The following SAP130 variants were observed in gnomAD, a reference collection of about 807,000 sequenced individuals.
SAP130 encodes Sin3A associated protein 130.
In SAP130, 16 loss-of-function variants were observed where a neutral mutation model predicts 103.2. The observed-to-expected ratio is 0.16, with a 90% CI of 0.10 to 0.24. The LOEUF (loss-of-function observed/expected upper bound fraction) is 0.24, where lower values mean the gene tolerates loss of function less well. Among genes scored for constraint, SAP130 ranks in the 10% least tolerant of loss-of-function variants. SAP130 has a pLI of 1.00. For synonymous variants in SAP130, 477 were observed against 497.0 expected, an observed-to-expected ratio of 0.96 and a Z score of 0.53; for missense variants, 990 against 1,359.7, an observed-to-expected ratio of 0.73 and a Z score of 4.28.
intron 7 of SAP130, among the ~76,000 whole-genome samples, chr2:128,005,642 TTTTC>T (rs1683908893): frequency 6.6e-6 from 1 of 151,940 alleles, no homozygotes; most frequent in South Asian, 2.1e-4. Context: ...TTCATATAGT[TTTTC>T]TTTCTTTTTT....
intron 1 of SAP130, 33 bp from the exon 2 acceptor site, chr2:128,026,331 G>T: frequency 7.0e-7 from 1 of 1,435,506 alleles, no homozygotes; most frequent in Non-Finnish European, 9.8e-7. Flanking sequence ...GTTATTACTA[G>T]ATTCTGAGAT....
chr2:127,946,426 T>C (rs1679079625), intron 18 of SAP130, among the ~76,000 whole-genome samples: 1 of 152,202 alleles, frequency 6.6e-6, no homozygotes, highest in South Asian at 2.1e-4. Context: ...TTTTCTGTTT[T>C]TGAACACTGT....
In SAP130 at chr2:127,942,748, G is replaced by C. The variant is rs1678796445; in HGVS notation, c.2902-211C>G. 6.6e-6 allele frequency among the ~76,000 whole-genome samples: 1 copy of C among 152,210 alleles called. No individual in the cohort carries two copies. The highest frequency in any genetic ancestry group is 2.1e-4 in the South Asian group (1 of 4,828). ...TCACGCCTATAATCCCAGCACTTTGGGAGGTCGAGGCGGGTGGATCACCTG... is the reference window on the plus strand; with the variant it reads ...TCACGCCTATAATCCCAGCACTTTGCGAGGTCGAGGCGGGTGGATCACCTG... On this transcript the variant is annotated intron_variant, in intron 19 of 20. Transcript: ENST00000643581. The surrounding 1 kb of genome is among the most constrained non-coding windows in gnomAD (Gnocchi z 4.8).
Position 127,950,120 on chromosome 2 carries a change from T to C in SAP130, c.2671+40A>G, listed in dbSNP as rs118024105. 596 of 1,612,112 alleles carry C rather than the reference T, an allele frequency of 3.7e-4. 3 individuals carry two copies. In the East Asian group the frequency reaches 8.3e-3, roughly 22 times the overall value. ...GCCTCTGGGTTGGACTCTGACTTTA[T>C]TGGGAAGCATCATAACACAAGTCAG... On this transcript the variant is annotated intron_variant, in intron 17 of 20. Transcript: ENST00000643581.
At chr2:127,977,942 G>T in intron 15 of SAP130, 43 bp downstream of exon 15, 1 of 1,378,898 alleles carries the variant, frequency 7.3e-7, no homozygotes, top group Non-Finnish European at 1.0e-6. Flanking sequence ...CTGCAACGAT[G>T]TGTGGGTAAA....
chr2:128,018,760 G>A (rs1345831915), intron 2 of SAP130, among the ~76,000 whole-genome samples: 1 of 150,650 alleles, frequency 6.6e-6, no homozygotes, highest in African/African-American at 2.4e-5. Flanking sequence ...TTGTGCCACT[G>A]CACTCCAGCT....
In SAP130 at chr2:127,995,522, A is replaced by G. The variant is rs553310343; in HGVS notation, c.1355+828T>C. Among the ~76,000 whole-genome samples, 34 of 152,294 alleles carry G rather than the reference A, an allele frequency of 2.2e-4. 1 individual carries two copies. The highest frequency in any genetic ancestry group is 4.3e-4 in the Non-Finnish European group (29 of 68,018). On this transcript the variant is annotated intron_variant, in intron 11 of 20. Coordinates refer to ENST00000643581, the MANE Select transcript of SAP130 (RefSeq NM_001330301.2). ...GTAAAATGCTCAACATAATAAATAA[A>G]TGGGGGTGGATAAGAGAAAGTTTCT... is the stretch of plus-strand genomic sequence containing the variant.
intron 2 of SAP130, among the ~76,000 whole-genome samples, 173 bp from the exon 3 acceptor site, chr2:128,018,088 G>C (rs1684900105): frequency 6.6e-6 from 1 of 152,000 alleles, no homozygotes; most frequent in African/African-American, 2.4e-5. Context: ...ATGGACATCA[G>C]ACAAAAGAGC....
intron 1 of SAP130, chr2:128,027,465 C>A: frequency 1.0e-6 from 1 of 967,750 alleles, no homozygotes; most frequent in Non-Finnish European, 1.2e-6. Context: ...CCAAACCCCT[C>A]GAGGCTGAGC....
chr2:127,954,957 A>G, intron 16 of SAP130, 29 bp downstream of exon 16: 1 of 1,503,296 alleles, frequency 6.7e-7, no homozygotes, highest in South Asian at 1.2e-5. Context: ...GGCAATTGCC[A>G]ATGGAGAGTA....
intron 12 of SAP130, 117 bp downstream of exon 12, chr2:127,993,070 C>T: frequency 3.1e-6 from 4 of 1,276,364 alleles, no homozygotes; most frequent in Non-Finnish European, 1.1e-6. Flanking sequence ...TTATCTGAAT[C>T]TGAAAACAGA....
chr2:127,956,357 T>TGTGTG (rs1679838970), intron 15 of SAP130, among the ~76,000 whole-genome samples: 2 of 152,212 alleles, frequency 1.3e-5, no homozygotes. Context: ...TCCTGAGTTC[T>TGTGTG]GTGTGCTGTT....
rs1191326262 is a variant in SAP130, at chr2:127,996,355, G to A, written c.1350C>T (p.Asp450=). Residue 450 remains aspartate (D), a synonymous_variant, in exon 11 of 21, where the codon GAC becomes GAT. Transcript: ENST00000643581. The surrounding 1 kb of genome is among the most constrained non-coding windows in gnomAD (Gnocchi z 4.3). The part of the protein sequence containing the change: ...PNPVAMETRS[D]NRPSVPVQFQ... ...ACTGACACACAGCCTCCTACCTGTT[G>A]TCACTTCGGGTTTCCATGGCCACAG... 1.9e-6 allele frequency: 3 copies of A among 1,599,788 alleles called. No individual in the cohort carries two copies. The highest frequency in any genetic ancestry group is 1.7e-6 in the Non-Finnish European group (2 of 1,173,140).
intron 15 of SAP130, among the ~76,000 whole-genome samples, chr2:127,958,189 A>C (rs1679976495): frequency 6.6e-6 from 1 of 152,216 alleles, no homozygotes; most frequent in Non-Finnish European, 1.5e-5. Context: ...CCAAAGCAGG[A>C]GGATCACGAG....
intron 11 of SAP130, among the ~76,000 whole-genome samples, chr2:127,995,593 AACTC>A (rs1365167959): frequency 3.3e-5 from 5 of 152,210 alleles, no homozygotes; most frequent in Non-Finnish European, 5.9e-5. Context: ...ACGTTAGAAA[AACTC>A]ACTATTTTGC....
chr2:128,015,599 T>C (rs981888880), intron 4 of SAP130, among the ~76,000 whole-genome samples: 1 of 152,034 alleles, frequency 6.6e-6, no homozygotes, highest in African/African-American at 2.4e-5. Context: ...CAGAGTAGGA[T>C]TGCAAAATTT....
chr2:128,006,085 GT>G lies in SAP130; in HGVS notation c.869+4183del, dbSNP rs1242571415. Among the ~76,000 whole-genome samples, 17 of 149,566 alleles carry G rather than the reference GT, an allele frequency of 1.1e-4. No individual in the cohort carries two copies. The South Asian group carries it at 3.4e-3, about 30-fold the overall frequency. ...AAAAAGACTAAGGCCTTTGTAAGCG[GT>G]TAAAAAAAAAAAAAACAGACTCCAG... On this transcript the variant is annotated intron_variant, in intron 7 of 20. Coordinates refer to ENST00000643581, the MANE Select transcript of SAP130 (RefSeq NM_001330301.2).
At chr2:128,022,539 T>A (rs545777926) in intron 2 of SAP130, among the ~76,000 whole-genome samples, 22 of 152,312 alleles carry the variant, frequency 1.4e-4, no homozygotes, top group Admixed American at 2.6e-4. Flanking sequence ...ATTGCCAAAT[T>A]GTTTCTTGAA....
chr2:127,941,771 T>G lies in SAP130; in HGVS notation c.*235A>C. 1.9e-6 allele frequency: 1 copy of G among 515,638 alleles called. No homozygotes were observed. The highest frequency in any genetic ancestry group is 3.4e-6 in the Non-Finnish European group (1 of 295,718). 31.9% of individuals were successfully genotyped at this position (515,638 alleles called of 1,614,324 possible). ...ACACTGATGCATCCGGAGTCACTTA[T>G]GACACAGATCAGGTTTAACAGGGGT... On this transcript the variant is annotated 3_prime_UTR_variant, in exon 21 of 21. Transcript: ENST00000643581.
Sources: allele counts gnomAD v4.1 joint callset (sites outside exome capture counted in the v4.1 genomes callset), GRCh38; gene constraint gnomAD v4.1.1; non-coding constraint Gnocchi (gnomAD v3.1); transcripts MANE v1.5; gene names NCBI Gene and HGNC (gene_info 2026-07-23, HGNC 2026-07-21).